The following NIBAN1 variants were observed in gnomAD, a reference collection of about 807,000 sequenced individuals.
NIBAN1 encodes protein Niban 1.
In NIBAN1, 81 loss-of-function variants were observed where a neutral mutation model predicts 75.1. The ratio of observed to expected loss-of-function variants is 1.08; its 90% CI spans 0.90 to 1.30. The LOEUF is 1.30. Among genes scored for constraint, NIBAN1 ranks in the 50% most tolerant of loss-of-function variants. The pLI is 0.00. For synonymous variants in NIBAN1, 436 were observed against 424.8 expected, an observed-to-expected ratio of 1.03 and a Z score of -0.32; for missense variants, 1,133 against 1,128.1, an observed-to-expected ratio of 1.00 and a Z score of -0.06.
chr1:184,967,249 ATG>A (rs1420274027), intron 1 of NIBAN1, among the ~76,000 whole-genome samples: 2 of 150,014 alleles, frequency 1.3e-5, no homozygotes, highest in East Asian at 3.9e-4. Flanking sequence ...GTGTGTACAT[ATG>A]TGTGTTAGTT....
At position 184,795,721 on chromosome 1, in the gene NIBAN1, TGAGCATGTGCCCGGGAGTCCTG is replaced by T. The variant is rs746846067; in HGVS notation, c.2021_2042del (p.Ala674AspfsTer29). The T allele has an allele frequency of 6.2e-7, 1 of 1,613,610 alleles. No homozygotes were observed. The highest frequency in any genetic ancestry group is 8.5e-7 in the Non-Finnish European group (1 of 1,179,668). Reference sequence around the variant, plus strand: ...GGGTCCCTCCAAACTCCAGCTCTGATGAGCATGTGCCCGGGAGTCCTGCTGTGTCCTCTGTTGCCACAGGATT... The same window carrying T: ...GGGTCCCTCCAAACTCCAGCTCTGATCTGTGTCCTCTGTTGCCACAGGATT... On this transcript the variant is annotated frameshift_variant, in exon 14 of 14. Transcript: ENST00000367511. LOFTEE classifies it low-confidence loss of function (END_TRUNC).
At chr1:184,959,320 A>G (rs548891750) in intron 1 of NIBAN1, among the ~76,000 whole-genome samples, 1 of 152,356 alleles carries the variant, frequency 6.6e-6, no homozygotes, top group East Asian at 1.9e-4. Context: ...CTACAGAAAC[A>G]CAGTAGTCAT....
chr1:184,951,418 C>G lies in NIBAN1; in HGVS notation c.55+22884G>C, dbSNP rs138644904. 1.5e-3 allele frequency among the ~76,000 whole-genome samples: 223 copies of G among 152,290 alleles called. 1 individual carries two copies. Among genetic ancestry groups the G allele is most frequent in the African/African-American group, 5.2e-3 (218 of 41,566 alleles). On this transcript the variant is annotated intron_variant, in intron 1 of 13. Coordinates refer to ENST00000367511, the MANE Select transcript of NIBAN1 (RefSeq NM_052966.4). The stretch of plus-strand genomic sequence containing the variant: ...TCCAAAAGTGAACTCTTCATTTTCT[C>G]CATCAAATGTGTTCCCCCAGTCTTC...
At position 184,795,299 on chromosome 1, in the gene NIBAN1, A is replaced by G. The variant is rs1211463071; in HGVS notation, c.2465T>C (p.Leu822Pro). 6.2e-7 allele frequency: 1 copy of G among 1,612,450 alleles called. No homozygotes were observed. The highest frequency in any genetic ancestry group is 1.7e-5 in the Admixed American group (1 of 60,020). Residue 822 changes from leucine to proline, a missense_variant, in exon 14 of 14, where the codon CTC (leucine) becomes CCC (proline). By Grantham distance (98) the Leu-to-Pro change is moderately conservative (BLOSUM62 -3). Coordinates refer to ENST00000367511, the MANE Select transcript of NIBAN1 (RefSeq NM_052966.4). Reference protein sequence around the residue: ...EGELPGEACTLTAHEGRGGKC... With the variant: ...EGELPGEACTPTAHEGRGGKC... ...GCCCCCTCTTCCTTCATGGGCAGTGAGTGTGCAGGCCTCTCCTGGGAGCTC... is the reference window on the plus strand; with the variant it reads ...GCCCCCTCTTCCTTCATGGGCAGTGGGTGTGCAGGCCTCTCCTGGGAGCTC...
chr1:184,944,936 CATGCACCTAG>C (rs1373763483), intron 1 of NIBAN1, among the ~76,000 whole-genome samples: 1 of 152,084 alleles, frequency 6.6e-6, no homozygotes, highest in African/African-American at 2.4e-5. Context: ...TGTGAAAATC[CATGCACCTAG>C]ATGGTAATGA....
At chr1:184,818,917 G>A in intron 8 of NIBAN1, 92 bp from the exon 9 acceptor site, 1 of 1,402,004 alleles carries the variant, frequency 7.1e-7, no homozygotes, top group African/African-American at 1.4e-5. Flanking sequence ...GTGCCCCACG[G>A]AGCCATTTAA....
chr1:184,920,112 G>T (rs577928531), intron 1 of NIBAN1, among the ~76,000 whole-genome samples: 11 of 152,136 alleles, frequency 7.2e-5, no homozygotes, highest in Non-Finnish European at 1.3e-4. Context: ...GGACATTGAG[G>T]AGGAGGAAAC....
chr1:184,843,013 T>A (rs150158351), intron 5 of NIBAN1, among the ~76,000 whole-genome samples: 96 of 152,360 alleles, frequency 6.3e-4, no homozygotes, highest in African/African-American at 2.1e-3. Flanking sequence ...AAAGGTCTAC[T>A]CTGTCAACTG....
intron 8 of NIBAN1, among the ~76,000 whole-genome samples, chr1:184,820,396 C>T (rs1037748039): frequency 1.3e-5 from 2 of 152,190 alleles, no homozygotes; most frequent in African/African-American, 2.4e-5. Context: ...GCTTCCGCCC[C>T]CTCTCTGCAC....
At chr1:184,900,227 T>G (rs1656918258) in intron 1 of NIBAN1, among the ~76,000 whole-genome samples, 1 of 152,160 alleles carries the variant, frequency 6.6e-6, no homozygotes, top group Non-Finnish European at 1.5e-5. Flanking sequence ...ATTTCTGGTT[T>G]AAAATTTTTG....
chr1:184,936,021 GAA>G (rs371040471), intron 1 of NIBAN1, among the ~76,000 whole-genome samples: 4 of 124,496 alleles, frequency 3.2e-5, no homozygotes, highest in Admixed American at 8.2e-5. Context: ...TGTGATAGAT[GAA>G]AAAAAAAAAA....
chr1:184,897,267 T>C (rs1656823410), intron 2 of NIBAN1, among the ~76,000 whole-genome samples: 1 of 147,196 alleles, frequency 6.8e-6, no homozygotes, highest in East Asian at 2.0e-4. Flanking sequence ...CTTGGTTAAA[T>C]GTACTCCTAA....
chr1:184,805,789 G>A, intron 11 of NIBAN1, 157 bp downstream of exon 11: 1 of 628,276 alleles, frequency 1.6e-6, no homozygotes, highest in Non-Finnish European at 2.8e-6. Flanking sequence ...AAGTCACACT[G>A]GAGAAACTGC....
At chr1:184,955,197 C>T (rs1167180668) in intron 1 of NIBAN1, among the ~76,000 whole-genome samples, 2 of 152,068 alleles carry the variant, frequency 1.3e-5, no homozygotes, top group East Asian at 3.8e-4. Context: ...TTTAAACTTG[C>T]ATCATATCTT....
chr1:184,965,973 C>A (rs1555266), intron 1 of NIBAN1, among the ~76,000 whole-genome samples: 1 of 152,010 alleles, frequency 6.6e-6, no homozygotes, highest in South Asian at 2.1e-4. Flanking sequence ...AGATAATCTG[C>A]GAGTAAAAGA....
intron 9 of NIBAN1, 112 bp from the exon 10 acceptor site, chr1:184,808,347 A>G (rs1654268067): frequency 9.2e-7 from 1 of 1,091,580 alleles, no homozygotes; most frequent in Admixed American, 2.4e-5. Flanking sequence ...GTTAAAGTGA[A>G]TCACTACTTG....
At chr1:184,933,482 C>T (rs1013763047) in intron 1 of NIBAN1, among the ~76,000 whole-genome samples, 1 of 152,216 alleles carries the variant, frequency 6.6e-6, no homozygotes, top group African/African-American at 2.4e-5. Flanking sequence ...CAATCCCCTA[C>T]TATGAATCAG....
intron 1 of NIBAN1, among the ~76,000 whole-genome samples, chr1:184,973,590 G>C (rs1307132429): frequency 6.6e-6 from 1 of 152,140 alleles, no homozygotes; most frequent in Non-Finnish European, 1.5e-5. Context: ...GTTTCAGTTC[G>C]GTTTGGGTTT....
At chr1:184,807,988 C>T (rs757019110) in intron 10 of NIBAN1, 86 bp downstream of exon 10, 1 of 1,483,738 alleles carries the variant, frequency 6.7e-7, no homozygotes, top group Non-Finnish European at 9.4e-7. Flanking sequence ...CCCTGAGCTA[C>T]ACTAGCAGCT....
Sources: allele counts gnomAD v4.1 joint callset (sites outside exome capture counted in the v4.1 genomes callset), GRCh38; gene constraint gnomAD v4.1.1; transcripts MANE v1.5; gene names NCBI Gene and HGNC (gene_info 2026-07-23, HGNC 2026-07-21).